Variants in NBEA observed in about 807,000 individuals in gnomAD.
NBEA encodes neurobeachin, also known as lysosomal-trafficking regulator 2.
In NBEA, 44 loss-of-function variants were observed where a neutral mutation model predicts 343.4. The ratio of observed to expected loss-of-function variants is 0.13; its 90% CI spans 0.10 to 0.16. NBEA has a LOEUF of 0.16. NBEA is among the 10% of genes least tolerant of loss of function. NBEA has a pLI of 1.00. For synonymous variants in NBEA, 1,175 were observed against 1,238.7 expected (o/e 0.95, Z 1.08); for missense variants, 2,555 against 3,631.3 (o/e 0.70, Z 7.62).
rs1348721576 is a variant in NBEA at position 35,566,813 on chromosome 13, C to A, written c.6923-92C>A. 4.4e-6 allele frequency: 3 copies of A among 675,120 alleles called. No individual in the cohort carries two copies. In the East Asian group the frequency reaches 7.8e-5, roughly 18 times the overall value. 41.8% of individuals were successfully genotyped at this position (675,120 alleles called of 1,614,324 possible). The stretch of plus-strand genomic sequence containing the variant: ...GGTTCAATAAATAAAAAGTTATTTT[C>A]TTCTGAAATTCAGTAGATGCTTTGT... On this transcript the variant is annotated intron_variant, in intron 44 of 58. Transcript: ENST00000379939.
At chr13:35,251,169 G>T in intron 34 of NBEA, 1 of 254,830 alleles carries the variant, frequency 3.9e-6, no homozygotes, top group East Asian at 1.0e-4. Flanking sequence ...TGTGGAGTGT[G>T]GGACATTGTG....
chr13:35,091,454 A>C (rs530495530), intron 10 of NBEA, among the ~76,000 whole-genome samples: 1 of 152,108 alleles, frequency 6.6e-6, no homozygotes, highest in African/African-American at 2.4e-5. Context: ...TGCTACAATA[A>C]GGTAAGAAAA....
chr13:35,240,590 G>A (rs2030081891), intron 34 of NBEA, among the ~76,000 whole-genome samples: 1 of 151,670 alleles, frequency 6.6e-6, no homozygotes, highest in South Asian at 2.1e-4. Context: ...AAATTGAGTT[G>A]GTCTCTTCAA....
chr13:35,592,312 G>A (rs919565965), intron 46 of NBEA, among the ~76,000 whole-genome samples: 1 of 152,062 alleles, frequency 6.6e-6, no homozygotes, highest in Non-Finnish European at 1.5e-5. Flanking sequence ...TATATATTGA[G>A]CAACTTCTAT....
intron 11 of NBEA, among the ~76,000 whole-genome samples, chr13:35,100,811 A>G (rs2065607664): frequency 6.6e-6 from 1 of 151,940 alleles, no homozygotes; most frequent in African/African-American, 2.4e-5. Context: ...TAGAAAATTA[A>G]TCTTTTATCT....
chr13:35,038,495 T>C (rs183854421), intron 1 of NBEA, among the ~76,000 whole-genome samples: 99 of 151,980 alleles, frequency 6.5e-4, no homozygotes, highest in African/African-American at 2.4e-3. Context: ...CCAACAAGTC[T>C]CAGAAACTCA....
intron 31 of NBEA, among the ~76,000 whole-genome samples, chr13:35,207,462 G>A (rs2073470619): frequency 6.6e-6 from 1 of 152,046 alleles, no homozygotes; most frequent in Non-Finnish European, 1.5e-5. Flanking sequence ...ATTCTGTGAT[G>A]GTTGAGTAAG....
At chr13:35,023,516 G>T (rs1225138238) in intron 1 of NBEA, among the ~76,000 whole-genome samples, 1 of 152,072 alleles carries the variant, frequency 6.6e-6, no homozygotes, top group Admixed American at 6.6e-5. Flanking sequence ...ATAGAGGAGG[G>T]TAGTATTAAT....
intron 36 of NBEA, among the ~76,000 whole-genome samples, chr13:35,322,541 C>A (rs1230065721): frequency 2.0e-5 from 3 of 152,192 alleles, no homozygotes; most frequent in African/African-American, 7.2e-5. Flanking sequence ...TCGCTAGGAG[C>A]TGCAGACTGG....
At chr13:35,476,058 A>C in intron 41 of NBEA, 1 of 1,614,210 alleles carries the variant, frequency 6.2e-7, no homozygotes, top group Non-Finnish European at 8.5e-7. Context: ...TAGTTTTGGC[A>C]ATGGCAGCTT....
chr13:35,476,822 G>T, intron 41 of NBEA: 1 of 1,015,166 alleles, frequency 9.9e-7, no homozygotes, highest in South Asian at 4.4e-5. Flanking sequence ...CATGGATATA[G>T]GCACACAAAC....
intron 34 of NBEA, among the ~76,000 whole-genome samples, chr13:35,243,507 G>A (rs1044597344): frequency 1.3e-5 from 2 of 151,822 alleles, no homozygotes; most frequent in Non-Finnish European, 3.0e-5. Flanking sequence ...ACTATGTGCT[G>A]TCTTTAAGAG....
At chr13:35,098,503 G>A in intron 11 of NBEA, 98 bp downstream of exon 11, 1 of 806,560 alleles carries the variant, frequency 1.2e-6, no homozygotes, top group Non-Finnish European at 2.0e-6. Flanking sequence ...TCCATTGACT[G>A]TGTAGAGATT....
chr13:35,143,506 A>G (rs2152696886), intron 18 of NBEA, among the ~76,000 whole-genome samples: 1 of 152,304 alleles, frequency 6.6e-6, no homozygotes, highest in East Asian at 1.9e-4. Context: ...TTAGATGGCA[A>G]GGCCTTGCGT....
At chr13:35,607,996 C>T (rs1257945183) in intron 48 of NBEA, among the ~76,000 whole-genome samples, 1 of 151,980 alleles carries the variant, frequency 6.6e-6, no homozygotes, top group Non-Finnish European at 1.5e-5. Context: ...ATGGGGTTCT[C>T]CTCCCCTCCT....
intron 46 of NBEA, among the ~76,000 whole-genome samples, chr13:35,591,996 A>C (rs1463317521): frequency 6.6e-6 from 1 of 152,128 alleles, no homozygotes; most frequent in African/African-American, 2.4e-5. Flanking sequence ...ATTGTAGTTA[A>C]GAAATCCTTA....
At chr13:35,575,907 T>C (rs780707876) in intron 45 of NBEA, among the ~76,000 whole-genome samples, 36 of 152,102 alleles carry the variant, frequency 2.4e-4, no homozygotes, top group Non-Finnish European at 4.7e-4. Flanking sequence ...TGATATTGAC[T>C]CATTTAAGAG....
In NBEA at chr13:35,266,698, T is replaced by C. The variant is rs114186766; in HGVS notation, c.5777-23691T>C. On this transcript the variant is annotated intron_variant, in intron 34 of 58. Transcript: ENST00000379939. ...GGCCTAGGGTAGTTGGTTATGGGAG[T>C]TGGGGAGATACTGATCAATGGATAC... 4.9e-3 allele frequency among the ~76,000 whole-genome samples: 748 copies of C among 151,194 alleles called. 6 individuals carry two copies. The highest frequency in any genetic ancestry group is 0.017 in the African/African-American group (698 of 41,218).
intron 49 of NBEA, among the ~76,000 whole-genome samples, chr13:35,641,353 A>C (rs2083937763): frequency 6.6e-6 from 1 of 152,160 alleles, no homozygotes; most frequent in South Asian, 2.1e-4. Flanking sequence ...ACTGGCTGCT[A>C]ACCTCCATCA....
Sources: gnomAD v4.1 joint callset for allele counts (sites outside exome capture counted in the v4.1 genomes callset) on GRCh38, gnomAD v4.1.1 for gene constraint, MANE v1.5 for transcripts, NCBI Gene and HGNC (gene_info 2026-07-23, HGNC 2026-07-21) for gene names.